HDAC7: variants seen among roughly 807,000 people sequenced by gnomAD.
HDAC7 encodes the protein histone deacetylase 7, also known as histone deacetylase 7A.
HDAC7 carries 26 observed loss-of-function variants against 115.5 expected under a neutral mutation model. The ratio of observed to expected loss-of-function variants is 0.23; its 90% CI spans 0.16 to 0.31. HDAC7 has a LOEUF of 0.31. Ranked by LOEUF, HDAC7 falls within the 10% of genes least tolerant of loss-of-function variation. HDAC7 has a pLI of 1.00. For synonymous variants in HDAC7, 564 were observed against 550.9 expected (o/e 1.02, Z -0.33); for missense variants, 1,068 against 1,329.0 (o/e 0.80, Z 3.05).
Position 47,795,977 on chromosome 12 carries a change from C to T in HDAC7, c.835G>A (p.Val279Met). ...GQRLRLQETSVAPFALPTVSL... is the reference protein window; with the variant it reads ...GQRLRLQETSMAPFALPTVSL... ...ACTGTCGGCAAGGCGAACGGGGCCA[C>T]AGAAGTCTCCTGCAGCCGCAGCCGC... Residue 279 changes from valine to methionine, a missense_variant, in exon 9 of 26, where the codon GTG becomes ATG. Coordinates refer to ENST00000080059, the MANE Select transcript of HDAC7 (RefSeq NM_015401.5). This position sits in a 1 kb window ranked among gnomAD's most constrained non-coding sequence, Gnocchi z 4.3. The T allele has an allele frequency of 2.6e-6, 4 of 1,549,924 alleles. No individual in the cohort carries two copies. The highest frequency in any genetic ancestry group is 2.6e-6 in the Non-Finnish European group (3 of 1,147,214).
In HDAC7 at chr12:47,805,434, G is replaced by A. The variant is rs188555899; in HGVS notation, c.20-3160C>T. ...GAAGACCTAGGCCCCAGCAGCAAGA[G>A]GAAAGCAGGCAGTGGCAGAAGGCCA... On this transcript the variant is annotated intron_variant, in intron 1 of 25. Coordinates refer to ENST00000080059, the MANE Select transcript of HDAC7 (RefSeq NM_015401.5). 1.2e-3 allele frequency among the ~76,000 whole-genome samples: 181 copies of A among 152,288 alleles called. 1 individual carries two copies. The highest frequency in any genetic ancestry group is 4.2e-3 in the African/African-American group (174 of 41,548).
At chr12:47,788,587 C>T (rs1157024716) in intron 19 of HDAC7, 2 of 155,812 alleles carry the variant, frequency 1.3e-5, no homozygotes, top group African/African-American at 4.8e-5. Context: ...CGAGGCCCAG[C>T]CCCATCCCTC....
At position 47,802,215 on chromosome 12, in the gene HDAC7, G is replaced by C. The variant is rs1237339698; in HGVS notation, c.70+9C>G. The C allele has an allele frequency of 9.9e-6, 16 of 1,612,916 alleles. 2 individuals carry two copies. In the South Asian group the frequency reaches 1.5e-4, roughly 16 times the overall value. ...CCCTACCATGGACTCCCCCGGGTTT[G>C]ACTCTTACCTGCGCCAGTGGGGCTG... On this transcript the variant is annotated intron_variant, in intron 2 of 25. Transcript: ENST00000080059.
chr12:47,798,964 TG>T lies in HDAC7; in HGVS notation c.78del (p.Arg27GlyfsTer47). On this transcript the variant is annotated frameshift_variant, in exon 3 of 26. Transcript: ENST00000080059. LOFTEE classifies it high-confidence loss of function. This position sits in a 1 kb window ranked among gnomAD's most constrained non-coding sequence, Gnocchi z 4.3. Reference sequence around the variant, plus strand: ...GGGCCTGGTGTGTCTGCACAGGGCCTGGGGCAGCCTAGGGACAGAGAGAGGG... The same window carrying T: ...GGGCCTGGTGTGTCTGCACAGGGCCTGGGCAGCCTAGGGACAGAGAGAGGG... The part of the protein sequence containing the change: ...HYCSPTGAGC[P>X]RPCADTPGPQ... The T allele has an allele frequency of 3.3e-6, 5 of 1,505,484 alleles. No homozygotes were observed. Among genetic ancestry groups the T allele is most frequent in the Non-Finnish European group, 4.4e-6 (5 of 1,129,524 alleles). The allele number at this position is 1,505,484 out of a possible 1,614,324, so 93.3% of individuals were successfully genotyped here.
At chr12:47,819,708 G>A in intron 1 of HDAC7, 59 bp downstream of exon 1, 1 of 429,518 alleles carries the variant, frequency 2.3e-6, no homozygotes, top group Non-Finnish European at 3.1e-6. Context: ...CCGAGCCTGG[G>A]CGGGCGACGC....
At chr12:47,816,849 G>A (rs1176501761) in intron 1 of HDAC7, among the ~76,000 whole-genome samples, 4 of 152,146 alleles carry the variant, frequency 2.6e-5, no homozygotes, top group Non-Finnish European at 5.9e-5. Flanking sequence ...CGGGCGTCCA[G>A]CTCCCCTCTT....
intron 24 of HDAC7, chr12:47,784,849 G>A (rs1480732432): frequency 8.7e-6 from 12 of 1,374,292 alleles, no homozygotes; most frequent in African/African-American, 1.4e-5. Flanking sequence ...AAGACATCAC[G>A]GCTCCCCTAC....
intron 1 of HDAC7, among the ~76,000 whole-genome samples, chr12:47,805,956 A>C (rs17122326): frequency 0.082 from 12,554 of 152,300 alleles, 680 homozygotes; most frequent in African/African-American, 0.15. Flanking sequence ...TGCAGCCTTA[A>C]ACATATTTGA....
intron 18 of HDAC7, 58 bp downstream of exon 18, chr12:47,789,465 G>A: frequency 6.3e-7 from 1 of 1,596,162 alleles, no homozygotes; most frequent in Non-Finnish European, 8.6e-7. Context: ...GTCCCTGAAG[G>A]AAGTTCCTGG....
At position 47,797,670 on chromosome 12, in the gene HDAC7, G is replaced by T. The variant is rs543020503; in HGVS notation, c.462-171C>A. 1.3e-5 allele frequency among the ~76,000 whole-genome samples: 2 copies of T among 152,162 alleles called. 1 individual carries two copies. The highest frequency in any genetic ancestry group is 1.3e-4 in the Admixed American group (2 of 15,284). Reference sequence around the variant, plus strand: ...GGTGGCAGCAGTGGGCCGCCTGTCCGCTCCAGCAGCTATAGTGCAGAGCTC... The same window carrying T: ...GGTGGCAGCAGTGGGCCGCCTGTCCTCTCCAGCAGCTATAGTGCAGAGCTC... On this transcript the variant is annotated intron_variant, in intron 5 of 25. Coordinates refer to ENST00000080059, the MANE Select transcript of HDAC7 (RefSeq NM_015401.5). The surrounding 1 kb of genome is among the most constrained non-coding windows in gnomAD (Gnocchi z 5.5).
intron 2 of HDAC7, among the ~76,000 whole-genome samples, chr12:47,800,521 G>A (rs995565685): frequency 5.3e-5 from 8 of 152,172 alleles, no homozygotes; most frequent in South Asian, 2.1e-4. Context: ...GATGCCGCCC[G>A]CAGTAGAAAA....
At chr12:47,804,365 G>A (rs1032823701) in intron 1 of HDAC7, among the ~76,000 whole-genome samples, 2 of 152,076 alleles carry the variant, frequency 1.3e-5, no homozygotes, top group African/African-American at 4.8e-5. Context: ...CTCTCTTTGT[G>A]TCCTAGAGAG....
intron 1 of HDAC7, among the ~76,000 whole-genome samples, chr12:47,814,418 T>C (rs751536737): frequency 2.0e-5 from 3 of 152,120 alleles, no homozygotes; most frequent in Non-Finnish European, 2.9e-5. Flanking sequence ...CTTGGCACAG[T>C]AGTTCCCCAA....
chr12:47,816,935 G>A (rs796907132), intron 1 of HDAC7, among the ~76,000 whole-genome samples: 5 of 152,140 alleles, frequency 3.3e-5, no homozygotes, highest in Non-Finnish European at 5.9e-5. Context: ...CAGGCCACTC[G>A]CCTAGATTCC....
intron 13 of HDAC7, chr12:47,792,764 G>A (rs375232014): frequency 2.3e-5 from 10 of 434,074 alleles, no homozygotes; most frequent in African/African-American, 2.0e-4. Flanking sequence ...GGATCCCTCA[G>A]TAAAAATGAA....
intron 2 of HDAC7, among the ~76,000 whole-genome samples, chr12:47,800,939 C>T (rs927009927): frequency 3.3e-5 from 5 of 152,262 alleles, no homozygotes; most frequent in Non-Finnish European, 7.3e-5. Flanking sequence ...CTTCTCTCAA[C>T]TTGGTCTGCA....
At chr12:47,785,679 G>C (rs1280714677) in intron 23 of HDAC7, 73 bp downstream of exon 23, 1 of 1,512,878 alleles carries the variant, frequency 6.6e-7, no homozygotes, top group African/African-American at 1.4e-5. Flanking sequence ...CCATCTGCCT[G>C]CTCCTTGGGT....
At position 47,786,569 on chromosome 12, in the gene HDAC7, G is replaced by A; in HGVS notation, c.2572+16C>T. 1 of 1,577,584 alleles carries A rather than the reference G, an allele frequency of 6.3e-7. No homozygotes were observed. The highest frequency in any genetic ancestry group is 2.2e-5 in the East Asian group (1 of 44,690). ...CTCTCTGTCCCTAACGTCCCCCTCA[G>A]CTGAGGCTCCCTTACATTTGGCAGA... On this transcript the variant is annotated intron_variant, in intron 22 of 25. Coordinates refer to ENST00000080059, the MANE Select transcript of HDAC7 (RefSeq NM_015401.5).
Position 47,791,245 on chromosome 12 carries a change from C to A in HDAC7, c.1983+14G>T. On this transcript the variant is annotated intron_variant, in intron 16 of 25. Transcript: ENST00000080059. The stretch of plus-strand genomic sequence containing the variant: ...CCCTGGCAACGCCCCCCTGAGACCC[C>A]TGGGCACACTTACCCCAACCCCACC... The A allele has an allele frequency of 6.3e-7, 1 of 1,595,160 alleles. No homozygotes were observed. Among genetic ancestry groups the A allele is most frequent in the African/African-American group, 1.3e-5 (1 of 74,348 alleles).
Sources: allele counts gnomAD v4.1 joint callset (sites outside exome capture counted in the v4.1 genomes callset), GRCh38; gene constraint gnomAD v4.1.1; non-coding constraint Gnocchi (gnomAD v3.1); transcripts MANE v1.5; gene names NCBI Gene and HGNC (gene_info 2026-07-23, HGNC 2026-07-21).